KIAA1217: variants seen among roughly 807,000 people sequenced by gnomAD.
KIAA1217 encodes sickle tail protein homolog.
A neutral mutation model predicts 163.9 loss-of-function variants in KIAA1217; 88 were observed. That is an observed-to-expected ratio of 0.54 (90% confidence interval 0.45 to 0.64). The LOEUF (loss-of-function observed/expected upper bound fraction) is 0.64, where lower values mean the gene tolerates loss of function less well. KIAA1217 is among the 30% of genes least tolerant of loss of function. The pLI is 0.00. For missense variants in KIAA1217, 2,372 were observed against 2,475.0 expected (o/e 0.96, Z 0.88); for synonymous variants, 903 against 923.1 (o/e 0.98, Z 0.39).
At chr10:24,279,940 T>G (rs2077722953) in intron 2 of KIAA1217, among the ~76,000 whole-genome samples, 1 of 152,232 alleles carries the variant, frequency 6.6e-6, no homozygotes, top group Non-Finnish European at 1.5e-5. Flanking sequence ...AAAACCGATT[T>G]GAAAATTCAT....
At chr10:23,941,980 C>G (rs186272771) in intron 1 of KIAA1217, among the ~76,000 whole-genome samples, 33 of 99,856 alleles carry the variant, frequency 3.3e-4, no homozygotes, top group African/African-American at 1.1e-3. Context: ...AATTCAACTG[C>G]CTGCTAGAAC....
At chr10:24,474,666 C>T (rs542992556) in intron 6 of KIAA1217, among the ~76,000 whole-genome samples, 1 of 152,300 alleles carries the variant, frequency 6.6e-6, no homozygotes, top group East Asian at 1.9e-4. Context: ...GGGAAAGACT[C>T]TCTGGGGACT....
chr10:24,103,753 G>A (rs940115525), intron 2 of KIAA1217, among the ~76,000 whole-genome samples: 9 of 152,102 alleles, frequency 5.9e-5, no homozygotes, highest in African/African-American at 2.2e-4. Flanking sequence ...TGCTGACAAG[G>A]AAATGGAATA....
At chr10:23,921,194 C>A (rs919397195) in intron 1 of KIAA1217, among the ~76,000 whole-genome samples, 4 of 152,144 alleles carry the variant, frequency 2.6e-5, no homozygotes, top group Admixed American at 1.3e-4. Context: ...CAACAACTGG[C>A]AAATTTGTCT....
intron 2 of KIAA1217, chr10:24,255,335 A>T (rs1189978867): frequency 3.3e-6 from 1 of 299,972 alleles, no homozygotes; most frequent in Non-Finnish European, 6.6e-6. Flanking sequence ...ATCACACTTC[A>T]AATCCTGAGC....
At chr10:23,927,385 G>T (rs1843070518) in intron 1 of KIAA1217, among the ~76,000 whole-genome samples, 1 of 148,438 alleles carries the variant, frequency 6.7e-6, no homozygotes, top group South Asian at 2.1e-4. Context: ...ATACATTGAG[G>T]TTCTCCTCTT....
At chr10:23,710,649 C>A (rs1319783164) in intron 1 of KIAA1217, among the ~76,000 whole-genome samples, 1 of 152,138 alleles carries the variant, frequency 6.6e-6, no homozygotes, top group Non-Finnish European at 1.5e-5. Flanking sequence ...TTGGAAAATT[C>A]ATTATATTTT....
chr10:23,987,905 T>C (rs987268487), intron 1 of KIAA1217, among the ~76,000 whole-genome samples: 15 of 152,192 alleles, frequency 9.9e-5, no homozygotes, highest in African/African-American at 3.6e-4. Flanking sequence ...TTTGCAAACT[T>C]TTAAGTCGTA....
intron 3 of KIAA1217, among the ~76,000 whole-genome samples, chr10:24,430,935 C>T (rs2059557203): frequency 6.6e-6 from 1 of 152,158 alleles, no homozygotes; most frequent in Non-Finnish European, 1.5e-5. Context: ...TGTGCTACAC[C>T]ATTTTAAAAT....
chr10:23,924,235 G>A (rs4356126), intron 1 of KIAA1217, among the ~76,000 whole-genome samples: 35,039 of 150,494 alleles, frequency 0.23, 8,077 homozygotes, highest in African/African-American at 0.6. Context: ...AATTTGTGGC[G>A]GCAGCAATGG....
intron 8 of KIAA1217, among the ~76,000 whole-genome samples, chr10:24,500,073 G>T (rs888915528): frequency 2.6e-5 from 4 of 152,166 alleles, no homozygotes; most frequent in Non-Finnish European, 5.9e-5. Context: ...GGAAAGACAG[G>T]GTACCACCAC....
intron 3 of KIAA1217, among the ~76,000 whole-genome samples, chr10:24,415,466 C>A (rs575040262): frequency 2.0e-5 from 3 of 152,056 alleles, no homozygotes; most frequent in African/African-American, 7.2e-5. Flanking sequence ...AGCAGTGACT[C>A]TTCTTTCCCA....
chr10:24,439,230 C>G (rs1367895503), intron 5 of KIAA1217, among the ~76,000 whole-genome samples: 1 of 152,104 alleles, frequency 6.6e-6, no homozygotes, highest in Non-Finnish European at 1.5e-5. Context: ...TGTAGCAAAA[C>G]TGGGAGGTAA....
chr10:24,120,577 G>A (rs1024062201), intron 2 of KIAA1217, among the ~76,000 whole-genome samples: 13 of 152,174 alleles, frequency 8.5e-5, no homozygotes, highest in South Asian at 8.3e-4. Flanking sequence ...TTACAAAAGG[G>A]AGCCATGAAG....
intron 2 of KIAA1217, among the ~76,000 whole-genome samples, chr10:24,230,537 A>C: frequency 1.9e-5 from 2 of 107,828 alleles, no homozygotes; most frequent in Admixed American, 1.4e-4. Context: ...ACAGAGTCTC[A>C]CTCTTTCATC....
At position 23,741,276 on chromosome 10, in the gene KIAA1217, C is replaced by T. The variant is rs1213678748; in HGVS notation, c.-321+46042C>T. ...GAGGTGAGGGGTCAGAGAGAATACA[C>T]ACTCTGACAACATTCTTTAAAGATC... On this transcript the variant is annotated intron_variant, in intron 1 of 18. Transcript: ENST00000376462. 2.0e-5 allele frequency among the ~76,000 whole-genome samples: 3 copies of T among 151,966 alleles called. No individual in the cohort carries two copies. In the East Asian group the frequency reaches 5.8e-4, roughly 29 times the overall value.
At chr10:24,030,589 T>C (rs1411727857) in intron 2 of KIAA1217, among the ~76,000 whole-genome samples, 2 of 152,172 alleles carry the variant, frequency 1.3e-5, no homozygotes, top group African/African-American at 4.8e-5. Flanking sequence ...AATACAGATG[T>C]GCAACTATAA....
chr10:24,001,184 A>G (rs1846727908), intron 1 of KIAA1217, among the ~76,000 whole-genome samples: 1 of 152,170 alleles, frequency 6.6e-6, no homozygotes, highest in Admixed American at 6.5e-5. Context: ...TACATAATAT[A>G]ATCACTGTCT....
intron 1 of KIAA1217, among the ~76,000 whole-genome samples, chr10:23,762,972 A>G (rs1334795675): frequency 6.6e-6 from 1 of 152,216 alleles, no homozygotes; most frequent in Non-Finnish European, 1.5e-5. Flanking sequence ...ATACACCAAT[A>G]GAGAAGCAGA....
Sources: gnomAD v4.1 joint callset for allele counts (sites outside exome capture counted in the v4.1 genomes callset) on GRCh38, gnomAD v4.1.1 for gene constraint, MANE v1.5 for transcripts, NCBI Gene and HGNC (gene_info 2026-07-23, HGNC 2026-07-21) for gene names.